Variants in GALNT17 observed in about 807,000 individuals in gnomAD.
The protein encoded by GALNT17 is UDP-GalNAc:polypeptide N-acetylgalactosaminyltransferase-like 3.
Under a neutral mutation model 63.7 loss-of-function variants are expected in GALNT17, and 29 were observed. The observed-to-expected ratio is 0.46, with a 90% CI of 0.34 to 0.62. GALNT17 has a LOEUF of 0.62. GALNT17 is among the 20% of genes least tolerant of loss of function. The pLI is 0.01. For missense variants in GALNT17, 603 were observed against 799.6 expected (o/e 0.75, Z 2.97); for synonymous variants, 305 against 318.3 (o/e 0.96, Z 0.45).
intron 1 of GALNT17, among the ~76,000 whole-genome samples, chr7:71,146,838 C>G (rs541835802): frequency 1.3e-5 from 2 of 152,242 alleles, no homozygotes; most frequent in South Asian, 4.2e-4. Flanking sequence ...AAACTGCTGC[C>G]GTAATCACAG....
At chr7:71,599,183 A>G (rs1789930167) in intron 6 of GALNT17, among the ~76,000 whole-genome samples, 1 of 152,160 alleles carries the variant, frequency 6.6e-6, no homozygotes, top group African/African-American at 2.4e-5. Context: ...ATGAGAAATC[A>G]TTGAAGGGAG....
intron 1 of GALNT17, among the ~76,000 whole-genome samples, chr7:71,317,352 A>G (rs1438141431): frequency 6.6e-6 from 1 of 152,230 alleles, no homozygotes; most frequent in Admixed American, 6.5e-5. Flanking sequence ...GTTCACAGGC[A>G]GAATTAGGAC....
At chr7:71,421,303 T>G (rs989019833) in intron 5 of GALNT17, among the ~76,000 whole-genome samples, 198 bp downstream of exon 5, 1 of 152,204 alleles carries the variant, frequency 6.6e-6, no homozygotes, top group African/African-American at 2.4e-5. Flanking sequence ...ATGTAAAGTT[T>G]TCAAGTGCAG....
intron 6 of GALNT17, among the ~76,000 whole-genome samples, chr7:71,619,747 A>G (rs1011339570): frequency 2.6e-5 from 4 of 152,138 alleles, no homozygotes; most frequent in African/African-American, 9.6e-5. Flanking sequence ...AAGAGAGATC[A>G]TTGGATCTTT....
chr7:71,505,796 C>T (rs1364978425), intron 5 of GALNT17, among the ~76,000 whole-genome samples: 1 of 152,168 alleles, frequency 6.6e-6, no homozygotes, highest in Non-Finnish European at 1.5e-5. Flanking sequence ...ATAAGTGCCT[C>T]CCCTCAGAGA....
chr7:71,597,787 G>A (rs1321780559), intron 6 of GALNT17, among the ~76,000 whole-genome samples: 5 of 152,044 alleles, frequency 3.3e-5, no homozygotes, highest in African/African-American at 9.7e-5. Context: ...CCTGGCAGCC[G>A]GTGCTTCGTG....
At chr7:71,583,799 C>T (rs1292401516) in intron 6 of GALNT17, among the ~76,000 whole-genome samples, 1 of 151,776 alleles carries the variant, frequency 6.6e-6, no homozygotes, top group Non-Finnish European at 1.5e-5. Flanking sequence ...ACCTTCCAAA[C>T]GATGTCCAGG....
At chr7:71,286,751 GTTTTTTTTT>G (rs71089931) in intron 1 of GALNT17, among the ~76,000 whole-genome samples, 1 of 148,638 alleles carries the variant, frequency 6.7e-6, no homozygotes, top group African/African-American at 2.5e-5. Flanking sequence ...CCTTGTTTTT[GTTTTTTTTT>G]TTCTTTTTTT....
At chr7:71,588,871 A>C (rs775683889) in intron 6 of GALNT17, among the ~76,000 whole-genome samples, 1 of 148,704 alleles carries the variant, frequency 6.7e-6, no homozygotes. Context: ...AGACATAAGA[A>C]AAAAAAAAAT....
At chr7:71,577,433 G>T (rs11976847) in intron 6 of GALNT17, among the ~76,000 whole-genome samples, 4 of 151,940 alleles carry the variant, frequency 2.6e-5, no homozygotes, top group Non-Finnish European at 4.4e-5. Context: ...ACAAACACAC[G>T]CACACACACG....
chr7:71,162,992 A>AT (rs1392715182), intron 1 of GALNT17, among the ~76,000 whole-genome samples: 23 of 152,330 alleles, frequency 1.5e-4, no homozygotes, highest in Admixed American at 1.5e-3. Context: ...TTAGGAAGCT[A>AT]TTGCAATGAT....
intron 1 of GALNT17, among the ~76,000 whole-genome samples, chr7:71,150,021 T>A (rs1269370777): frequency 6.6e-6 from 1 of 152,108 alleles, no homozygotes; most frequent in East Asian, 1.9e-4. Context: ...TGTGTGTCAT[T>A]GCTTAGGCAC....
At chr7:71,448,891 G>C (rs550589073) in intron 5 of GALNT17, among the ~76,000 whole-genome samples, 27 of 152,096 alleles carry the variant, frequency 1.8e-4, no homozygotes, top group African/African-American at 6.5e-4. Context: ...GCTGTTATTG[G>C]AAGTCAGGTA....
intron 2 of GALNT17, among the ~76,000 whole-genome samples, chr7:71,343,855 T>G (rs1485080537): frequency 6.6e-6 from 1 of 152,146 alleles, no homozygotes; most frequent in East Asian, 1.9e-4. Context: ...TATATTACAT[T>G]TTATGCTTTT....
In GALNT17 at chr7:71,513,917, C is replaced by T. The variant is rs186106169; in HGVS notation, c.963-57368C>T. ...CAGGAATTCACAGTGGAGAGCTGGG[C>T]ATGGTGGCTTATGCCGGTCATCCCA... On this transcript the variant is annotated intron_variant, in intron 5 of 10. Coordinates refer to ENST00000333538, the MANE Select transcript of GALNT17 (RefSeq NM_022479.3). 8.9e-4 allele frequency among the ~76,000 whole-genome samples: 135 copies of T among 152,274 alleles called. 6 individuals are homozygous for T. The South Asian group carries it at 0.015, about 17-fold the overall frequency.
At chr7:71,216,486 C>T (rs1789479809) in intron 1 of GALNT17, among the ~76,000 whole-genome samples, 1 of 152,028 alleles carries the variant, frequency 6.6e-6, no homozygotes, top group African/African-American at 2.4e-5. Flanking sequence ...GGGGAGAGGG[C>T]AAGTATACCT....
intron 6 of GALNT17, among the ~76,000 whole-genome samples, chr7:71,656,604 G>C (rs955061779): frequency 6.6e-6 from 1 of 152,156 alleles, no homozygotes; most frequent in Non-Finnish European, 1.5e-5. Flanking sequence ...GGATTCGGAA[G>C]TGGTGGCTGT....
chr7:71,204,652 G>A (rs538658444), intron 1 of GALNT17, among the ~76,000 whole-genome samples: 2 of 149,946 alleles, frequency 1.3e-5, no homozygotes, highest in African/African-American at 4.9e-5. Context: ...TGCAACCTCC[G>A]CCTCCTGGGT....
intron 6 of GALNT17, among the ~76,000 whole-genome samples, chr7:71,660,250 G>T (rs557920182): frequency 6.6e-6 from 1 of 152,162 alleles, no homozygotes; most frequent in African/African-American, 2.4e-5. Flanking sequence ...CCTAGCAAAG[G>T]GTCACCAAGA....
Sources: gnomAD v4.1 joint callset for allele counts (sites outside exome capture counted in the v4.1 genomes callset) on GRCh38, gnomAD v4.1.1 for gene constraint, MANE v1.5 for transcripts, NCBI Gene and HGNC (gene_info 2026-07-23, HGNC 2026-07-21) for gene names.